Variants in MMD2 observed in about 807,000 individuals in gnomAD.
The protein encoded by MMD2 is monocyte to macrophage differentiation associated 2, also known as monocyte to macrophage differentiation factor 2.
MMD2 carries 30 observed loss-of-function variants against 33.5 expected under a neutral mutation model. The ratio of observed to expected loss-of-function variants is 0.90; its 90% CI spans 0.67 to 1.22. MMD2 has a LOEUF of 1.22. MMD2 is among the 50% of genes most tolerant of loss of function. The pLI is 0.00. For missense variants in MMD2, 364 were observed against 325.4 expected (o/e 1.12, Z -0.91); for synonymous variants, 129 against 123.0 (o/e 1.05, Z -0.32).
chr7:4,945,149 CCCT>C (rs1786021591), intron 1 of MMD2, among the ~76,000 whole-genome samples: 1 of 137,948 alleles, frequency 7.2e-6, no homozygotes, highest in South Asian at 2.5e-4. Flanking sequence ...CTTCTTCTTT[CCCT>C]CTTCTTTTTC....
At position 4,938,590 on chromosome 7, in the gene MMD2, C is replaced by T. The variant is rs181727513; in HGVS notation, c.48-13058G>A. 2.8e-3 allele frequency among the ~76,000 whole-genome samples: 427 copies of T among 152,154 alleles called. 1 individual carries two copies. The highest frequency in any genetic ancestry group is 9.5e-3 in the African/African-American group (393 of 41,526). ...TCCCACCCTCTTAATACTGTTACAA[C>T]GGGGATCAAGTTTCAGAATAAGTTT... On this transcript the variant is annotated intron_variant, in intron 1 of 6. Coordinates refer to ENST00000401401, the MANE Select transcript of MMD2 (RefSeq NM_198403.4).
chr7:4,952,441 C>T (rs1260796946), intron 1 of MMD2, among the ~76,000 whole-genome samples: 1 of 152,194 alleles, frequency 6.6e-6, no homozygotes, highest in African/African-American at 2.4e-5. Context: ...ACACTGAGAC[C>T]TGCTGGTGCT....
intron 2 of MMD2, 131 bp downstream of exon 2, chr7:4,925,320 C>G (rs1222386985): frequency 6.6e-6 from 4 of 605,620 alleles, no homozygotes; most frequent in Admixed American, 7.3e-5. Flanking sequence ...GCCACAGTGG[C>G]CTTCCCTGAG....
downstream of MMD2, among the ~76,000 whole-genome samples, chr7:4,905,281 A>G (rs916440698): frequency 6.7e-6 from 1 of 148,440 alleles, no homozygotes; most frequent in Non-Finnish European, 1.5e-5. This position sits in a 1 kb window ranked among gnomAD's most constrained non-coding sequence, Gnocchi z 5.0. Context: ...GAAGAGGAAG[A>G]GGAAGAAGAA....
At chr7:4,927,275 T>C (rs1785457214) in intron 1 of MMD2, among the ~76,000 whole-genome samples, 1 of 152,016 alleles carries the variant, frequency 6.6e-6, no homozygotes, top group Non-Finnish European at 1.5e-5. Flanking sequence ...CCAGGGGCAG[T>C]GGCTCACGCC....
At chr7:4,910,110 G>C (rs752312609) in intron 5 of MMD2, 160 bp from the exon 6 acceptor site, 132 of 1,525,654 alleles carry the variant, frequency 8.7e-5, no homozygotes, top group Non-Finnish European at 1.1e-4. Context: ...ATTTCACCCA[G>C]CTACATCCAA....
At chr7:4,928,310 C>T (rs142030178) in intron 1 of MMD2, among the ~76,000 whole-genome samples, 6 of 152,246 alleles carry the variant, frequency 3.9e-5, no homozygotes, top group African/African-American at 9.6e-5. Flanking sequence ...TGTATGCTGG[C>T]GTCATATCAG....
rs747736570 is a variant in MMD2 at position 4,958,982 on chromosome 7, C to A, written c.36G>T (p.Thr12=). 10 of 1,285,278 alleles carry A rather than the reference C, an allele frequency of 7.8e-6. No homozygotes were observed. Among genetic ancestry groups the A allele is most frequent in the Non-Finnish European group, 8.9e-6 (9 of 1,009,416 alleles). The allele number at this position is 1,285,278 out of a possible 1,614,324, so 79.6% of individuals were successfully genotyped here. A position where few individuals can be genotyped will look rare whatever the true frequency, so the allele number is the denominator to read the frequency against. Reference sequence around the variant, plus strand: ...CGGCCGCCGCTCACCTCGCGTATTTCGTCTTCTGGAAATCCAGCAGCCGGG... The same window carrying A: ...CGGCCGCCGCTCACCTCGCGTATTTAGTCTTCTGGAAATCCAGCAGCCGGG... ...FAPRLLDFQK[T]KYARFMNHRV... The change falls in exon 1 of 7, where the codon ACG becomes ACT. Residue 12 remains threonine (T), a synonymous_variant. Coordinates refer to ENST00000401401, the MANE Select transcript of MMD2 (RefSeq NM_198403.4).
At chr7:4,925,577 G>A (rs1785405031) in intron 1 of MMD2, 45 bp from the exon 2 acceptor site, 2 of 1,456,224 alleles carry the variant, frequency 1.4e-6, no homozygotes, top group African/African-American at 1.4e-5. Context: ...TGGGCAAGAG[G>A]TGCCATCCGA....
the MMD2 span, among the ~76,000 whole-genome samples, chr7:4,896,902 C>T: frequency 6.6e-6 from 1 of 151,788 alleles, no homozygotes; most frequent in Non-Finnish European, 1.5e-5. Context: ...CTCTGTAGCC[C>T]AGGCTGGAGT....
downstream of MMD2, among the ~76,000 whole-genome samples, chr7:4,901,790 G>A (rs1056778582): frequency 3.3e-5 from 5 of 152,220 alleles, no homozygotes; most frequent in South Asian, 2.1e-4. Context: ...TGGCGGAGCC[G>A]GGGGAGCCTG....
chr7:4,943,804 T>C (rs752807709), intron 1 of MMD2, among the ~76,000 whole-genome samples: 10 of 152,092 alleles, frequency 6.6e-5, no homozygotes, highest in Non-Finnish European at 1.3e-4. Context: ...GATTATTTTA[T>C]TTTACTTTAT....
chr7:4,915,740 A>G (rs1354424429), intron 4 of MMD2, among the ~76,000 whole-genome samples: 1 of 150,596 alleles, frequency 6.6e-6, no homozygotes, highest in Admixed American at 6.6e-5. Context: ...ATTCTGTCTC[A>G]GAATTCTCAG....
intron 6 of MMD2, among the ~76,000 whole-genome samples, chr7:4,908,753 C>A (rs1007698858): frequency 6.6e-6 from 1 of 151,630 alleles, no homozygotes; most frequent in African/African-American, 2.4e-5. Context: ...AATAATTAGC[C>A]GAGAGTGGTG....
intron 3 of MMD2, among the ~76,000 whole-genome samples, chr7:4,919,686 G>A (rs1050497587): frequency 6.6e-6 from 1 of 152,152 alleles, no homozygotes; most frequent in Non-Finnish European, 1.5e-5. Context: ...AGGAGTTCGA[G>A]ACCAGCCTGG....
rs1024967846 is a variant in MMD2 at position 4,946,195 on chromosome 7, C to G, written c.47+12776G>C. Among the ~76,000 whole-genome samples, 22 of 150,380 alleles carry G rather than the reference C, an allele frequency of 1.5e-4. No individual in the cohort carries two copies. Among genetic ancestry groups the G allele is most frequent in the African/African-American group, 5.4e-4 (22 of 40,928 alleles). ...CACATGCACACACACGCGCGCACAC[C>G]CACACACACGCATGCACACACATGC... On this transcript the variant is annotated intron_variant, in intron 1 of 6. Coordinates refer to ENST00000401401, the MANE Select transcript of MMD2 (RefSeq NM_198403.4). The surrounding 1 kb of genome is among the most constrained non-coding windows in gnomAD (Gnocchi z 5.0).
Position 4,937,562 on chromosome 7 carries a change from G to A in MMD2, c.48-12030C>T, listed in dbSNP as rs141392368. Reference sequence around the variant, plus strand: ...CTCGCCCTGTCATTCACGCTGAAACGCACTGGCACAATCATAGTTTGTTGC... The same window carrying A: ...CTCGCCCTGTCATTCACGCTGAAACACACTGGCACAATCATAGTTTGTTGC... On this transcript the variant is annotated intron_variant, in intron 1 of 6. Transcript: ENST00000401401. Among the ~76,000 whole-genome samples the A allele has an allele frequency of 1.8e-3, 280 of 152,150 alleles. 1 individual carries two copies. The highest frequency in any genetic ancestry group is 6.2e-3 in the African/African-American group (256 of 41,530).
At chr7:4,914,798 G>C (rs1785099947) in intron 4 of MMD2, among the ~76,000 whole-genome samples, 1 of 152,124 alleles carries the variant, frequency 6.6e-6, no homozygotes, top group Non-Finnish European at 1.5e-5. Context: ...GGGTATGGTG[G>C]CATGTGCCTG....
At chr7:4,929,724 T>C (rs879120173) in intron 1 of MMD2, among the ~76,000 whole-genome samples, 18 of 151,760 alleles carry the variant, frequency 1.2e-4, no homozygotes, top group African/African-American at 4.4e-4. Context: ...AGGTTTTCAC[T>C]ATGTTGGCCA....
Sources: allele counts gnomAD v4.1 joint callset (sites outside exome capture counted in the v4.1 genomes callset), GRCh38; gene constraint gnomAD v4.1.1; non-coding constraint Gnocchi (gnomAD v3.1); transcripts MANE v1.5; gene names NCBI Gene and HGNC (gene_info 2026-07-23, HGNC 2026-07-21).